ZNF468: variants seen among roughly 807,000 people sequenced by gnomAD.
The protein encoded by ZNF468 is zinc finger protein 468.
A neutral mutation model predicts 7.2 loss-of-function variants in ZNF468; 8 were observed. The ratio of observed to expected loss-of-function variants is 1.11; its 90% CI spans 0.65 to 2.01. The LOEUF (loss-of-function observed/expected upper bound fraction) is 2.01, where lower values mean the gene tolerates loss of function less well. ZNF468 is among the 30% of genes most tolerant of loss of function. ZNF468 has a pLI of 0.00. For synonymous variants in ZNF468, 218 were observed against 214.4 expected (o/e 1.02, Z -0.15); for missense variants, 608 against 626.5 (o/e 0.97, Z 0.31).
Position 52,840,684 on chromosome 19 carries a change from G to T in ZNF468, c.*41C>A, listed in dbSNP as rs1369219956. On this transcript the variant is annotated 3_prime_UTR_variant, in exon 4 of 4. Transcript: ENST00000595646. ...TATGAATTGCCTTATGACTTACAGG[G>T]TTGAATTGTGATGGAAGGTCTTGCC... The T allele has an allele frequency of 1.2e-6, 2 of 1,611,348 alleles. No homozygotes were observed. Among genetic ancestry groups the T allele is most frequent in the African/African-American group, 2.7e-5 (2 of 74,448 alleles).
chr19:52,848,947 G>C, intron 3 of ZNF468, 140 bp downstream of exon 3: 1 of 1,418,096 alleles, frequency 7.1e-7, no homozygotes, highest in East Asian at 2.3e-5. Flanking sequence ...TGAAAGTCCA[G>C]ATGCTACATC....
rs139947255 is a variant in ZNF468 at position 52,849,154 on chromosome 19, C to G, written c.75G>C (p.Leu25=). 1.2e-5 allele frequency: 19 copies of G among 1,613,972 alleles called. No individual in the cohort carries two copies. In the African/African-American group the frequency reaches 2.4e-4, roughly 20 times the overall value. Residue 25 remains leucine, a synonymous_variant, in exon 3 of 4, where the codon CTG becomes CTC. Transcript: ENST00000595646. ...IEFSQEEWKC[L]DPAQRTLYRD... is the part of the protein sequence containing the mutation. Reference sequence around the variant, plus strand: ...TGTATAAAGTCCTCTGAGCAGGGTCCAGGCATTTCCACTCCTCCTGAGAGA... The same window carrying G: ...TGTATAAAGTCCTCTGAGCAGGGTCGAGGCATTTCCACTCCTCCTGAGAGA...
chr19:52,843,288 C>T (rs538255537), intron 3 of ZNF468, among the ~76,000 whole-genome samples: 2 of 152,000 alleles, frequency 1.3e-5, no homozygotes, highest in East Asian at 3.9e-4. Flanking sequence ...GGCTGGAATG[C>T]GATGGCACGA....
intron 1 of ZNF468, among the ~76,000 whole-genome samples, chr19:52,856,016 A>G (rs1356629413): frequency 3.3e-5 from 5 of 152,202 alleles, no homozygotes; most frequent in Non-Finnish European, 5.9e-5. Flanking sequence ...CATTCTTAAA[A>G]TTAGAGAAGC....
intron 1 of ZNF468, among the ~76,000 whole-genome samples, chr19:52,856,834 T>C (rs2063444361): frequency 6.6e-6 from 1 of 152,112 alleles, no homozygotes; most frequent in Non-Finnish European, 1.5e-5. Flanking sequence ...CCATCTGTTA[T>C]GGGTCTTTCT....
rs762560920 is a variant in ZNF468 at position 52,840,864 on chromosome 19, C to T, written c.1430G>A (p.Gly477Asp). The T allele has an allele frequency of 2.9e-5, 47 of 1,594,806 alleles. No homozygotes were observed. The highest frequency in any genetic ancestry group is 4.1e-5 in the African/African-American group (3 of 72,658). Residue 477 changes from glycine (G) to aspartate (D), a missense_variant, in exon 4 of 4, where the codon GGT becomes GAT. Physicochemically the swap from Gly to Asp is moderately conservative, Grantham distance 94 (BLOSUM62 -1). Coordinates refer to ENST00000595646, the MANE Select transcript of ZNF468 (RefSeq NM_001008801.2). ...ATGGATTATAAGCGATGATGTCTGA[C>T]CGAAGGTCTTGCCACACTCATTACA... Reference protein sequence around the residue: ...YKCNECGKTFGQTSSLIIHRR... With the variant: ...YKCNECGKTFDQTSSLIIHRR...
chr19:52,848,697 C>T (rs4801941), intron 3 of ZNF468, among the ~76,000 whole-genome samples: 79,326 of 151,474 alleles, frequency 0.52, 22,442 homozygotes, highest in African/African-American at 0.74. Context: ...ATTACACGTA[C>T]GTGCCACCAC....
In ZNF468 at chr19:52,839,968, C is replaced by T; in HGVS notation, c.*757G>A. 1 of 1,271,504 alleles carries T rather than the reference C, an allele frequency of 7.9e-7. No homozygotes were observed. The highest frequency in any genetic ancestry group is 1.1e-6 in the Non-Finnish European group (1 of 942,604). 78.8% of individuals were successfully genotyped at this position (1,271,504 alleles called of 1,614,324 possible). On this transcript the variant is annotated 3_prime_UTR_variant, in exon 4 of 4. Coordinates refer to ENST00000595646, the MANE Select transcript of ZNF468 (RefSeq NM_001008801.2). ...ATTACATTAGTCAAGTTTCCCTATA[C>T]CATGGATTGCTTGATGGTGAATAAG...
rs139221514 is a variant in ZNF468 at position 52,852,411 on chromosome 19, C to T, written c.15+1847G>A. Among the ~76,000 whole-genome samples, 661 of 152,142 alleles carry T rather than the reference C, an allele frequency of 4.3e-3. 5 individuals are homozygous for T. Among genetic ancestry groups the T allele is most frequent in the Non-Finnish European group, 6.9e-3 (467 of 67,990 alleles). ...AAAATAACAGCCAGGCATGGTGGCT[C>T]ACGCCTGTAATCTCAACACTTTTGG... On this transcript the variant is annotated intron_variant, in intron 2 of 3. Coordinates refer to ENST00000595646, the MANE Select transcript of ZNF468 (RefSeq NM_001008801.2).
At chr19:52,855,175 T>C (rs1195616576) in intron 1 of ZNF468, among the ~76,000 whole-genome samples, 1 of 135,620 alleles carries the variant, frequency 7.4e-6, no homozygotes, top group East Asian at 2.0e-4. Flanking sequence ...TGAGAGTCTG[T>C]TTGAAAAAAA....
At position 52,853,799 on chromosome 19, in the gene ZNF468, C is replaced by T. The variant is rs1051314200; in HGVS notation, c.15+459G>A. On this transcript the variant is annotated intron_variant, in intron 2 of 3. Transcript: ENST00000595646. The stretch of plus-strand genomic sequence containing the variant: ...GAGTCAGAAACACAGTAACTCACTC[C>T]ATTACCTAAAAATGTGGTATAAAAT... 10 of 867,766 alleles carry T rather than the reference C, an allele frequency of 1.2e-5. No homozygotes were observed. The East Asian group carries it at 3.7e-4, about 32-fold the overall frequency. 53.8% of individuals were successfully genotyped at this position (867,766 alleles called of 1,614,324 possible).
intron 3 of ZNF468, among the ~76,000 whole-genome samples, chr19:52,848,878 T>C (rs747092365): frequency 2.1e-4 from 32 of 152,118 alleles, no homozygotes; most frequent in Admixed American, 1.4e-3. Context: ...CTTACTTTAC[T>C]TCTGGAACCC....
In ZNF468 at chr19:52,840,439, T is replaced by C; in HGVS notation, c.*286A>G. 2 of 630,880 alleles carry C rather than the reference T, an allele frequency of 3.2e-6. No homozygotes were observed. Among genetic ancestry groups the C allele is most frequent in the East Asian group, 6.2e-5 (2 of 32,144 alleles). The allele number at this position is 630,880 out of a possible 1,614,324, so 39.1% of individuals were successfully genotyped here. A position where few individuals can be genotyped will look rare whatever the true frequency, so the allele number is the denominator to read the frequency against. ...CTAGTATGTTTTGCCAGATATGCAT[T>C]ATATGCAAAAACCTTGTCACAAACC... is the stretch of plus-strand genomic sequence containing the variant. On this transcript the variant is annotated 3_prime_UTR_variant, in exon 4 of 4. Transcript: ENST00000595646.
chr19:52,848,169 C>T (rs1471693696), intron 3 of ZNF468, among the ~76,000 whole-genome samples: 2 of 152,186 alleles, frequency 1.3e-5, no homozygotes, highest in Non-Finnish European at 2.9e-5. Flanking sequence ...TGAGCTCTTA[C>T]CTGCATTTAC....
chr19:52,849,341 G>A (rs1248310857), intron 2 of ZNF468, 128 bp from the exon 3 acceptor site: 2 of 1,538,584 alleles, frequency 1.3e-6, no homozygotes, highest in Non-Finnish European at 1.8e-6. Context: ...TCCAAATAAG[G>A]GATTTCTCAC....
chr19:52,849,041 G>A (rs757819396), intron 3 of ZNF468, 46 bp downstream of exon 3: 3 of 1,603,936 alleles, frequency 1.9e-6, no homozygotes, highest in East Asian at 2.2e-5. Context: ...AAGAGAAAAT[G>A]CAAAAATACA....
Position 52,840,776 on chromosome 19 carries a change from C to T in ZNF468, c.1518G>A (p.Gln506=), listed in dbSNP as rs754191803. Residue 506 remains glutamine (Q), a synonymous_variant, in exon 4 of 4, where the codon CAG becomes CAA. Transcript: ENST00000595646. ...KCNECGKTFS[Q]MSSLVYHHRL... ...TATGATGGTATACAAGGGATGACATCTGACTGAAGGTCTTGCCACACTCAT... is the reference window on the plus strand; with the variant it reads ...TATGATGGTATACAAGGGATGACATTTGACTGAAGGTCTTGCCACACTCAT... 1.6e-5 allele frequency: 26 copies of T among 1,613,132 alleles called. 1 individual carries two copies. Among genetic ancestry groups the T allele is most frequent in the Non-Finnish European group, 1.8e-5 (21 of 1,179,590 alleles).
rs1253514600 is a variant in ZNF468, at chr19:52,839,051, G to C, written c.*1674C>G. 1 of 152,236 alleles carries C rather than the reference G, an allele frequency of 6.6e-6. No homozygotes were observed. Among genetic ancestry groups the C allele is most frequent in the Non-Finnish European group, 1.5e-5 (1 of 68,196 alleles). The allele number at this position is 152,236 out of a possible 1,614,324, so 9.4% of individuals were successfully genotyped here. A position where few individuals can be genotyped will look rare whatever the true frequency, so the allele number is the denominator to read the frequency against. On this transcript the variant is annotated 3_prime_UTR_variant, in exon 4 of 4. Coordinates refer to ENST00000595646, the MANE Select transcript of ZNF468 (RefSeq NM_001008801.2). ...GTGGATCATAAAGTCAGAAGATAGA[G>C]ACCATTCTGGCTAACACGGTGAAAC...
rs1402084857 is a variant in ZNF468, at chr19:52,838,017, A to G, written c.*2708T>C. The stretch of plus-strand genomic sequence containing the variant: ...AGACCCTGTTCAGACATGTTATAAC[A>G]GATTTGTGCCAGTTTATTTTGGTGC... On this transcript the variant is annotated 3_prime_UTR_variant, in exon 4 of 4. Transcript: ENST00000595646. 1.3e-5 allele frequency: 2 copies of G among 152,138 alleles called. No homozygotes were observed. The highest frequency in any genetic ancestry group is 4.8e-5 in the African/African-American group (2 of 41,420). 9.4% of individuals were successfully genotyped at this position (152,138 alleles called of 1,614,324 possible).
Sources: allele counts gnomAD v4.1 joint callset (sites outside exome capture counted in the v4.1 genomes callset), GRCh38; gene constraint gnomAD v4.1.1; transcripts MANE v1.5; gene names NCBI Gene and HGNC (gene_info 2026-07-23, HGNC 2026-07-21).